CYBRD1: variants seen among roughly 807,000 people sequenced by gnomAD.
The protein encoded by CYBRD1 is cytochrome b reductase 1.
CYBRD1 carries 14 observed loss-of-function variants against 21.9 expected under a neutral mutation model. The observed-to-expected ratio is 0.64, with a 90% confidence interval of 0.42 to 1.00. The LOEUF is 1.00. Ranked by LOEUF, CYBRD1 falls within the 50% of genes least tolerant of loss-of-function variation. CYBRD1 has a pLI of 0.00. For missense variants in CYBRD1, 328 were observed against 352.5 expected, an observed-to-expected ratio of 0.93 and a Z score of 0.56; for synonymous variants, 146 against 136.5, an observed-to-expected ratio of 1.07 and a Z score of -0.48.
rs1021544809 is a variant in CYBRD1, at chr2:171,543,831, G to T, written c.402+2038G>T. On this transcript the variant is annotated intron_variant, in intron 2 of 3. Transcript: ENST00000321348. ...TTCATTTTTACTTTTGTATTCCACTGTATAAATATGCCACAAATTTACTTA... is the reference window on the plus strand; with the variant it reads ...TTCATTTTTACTTTTGTATTCCACTTTATAAATATGCCACAAATTTACTTA... 1.3e-4 allele frequency among the ~76,000 whole-genome samples: 19 copies of T among 151,880 alleles called. No homozygotes were observed. In the East Asian group the frequency reaches 1.9e-3, roughly 15 times the overall value.
chr2:171,522,413 A>G (rs1444365764), upstream of CYBRD1: 1 of 1,506,520 alleles, frequency 6.6e-7, no homozygotes, highest in African/African-American at 1.4e-5. The surrounding 1 kb of genome is among the most constrained non-coding windows in gnomAD (Gnocchi z 4.3). Context: ...AGCAGCCCAG[A>G]AAGTCCCTCC....
chr2:171,541,272 G>C (rs1041080543), intron 1 of CYBRD1: 4 of 420,568 alleles, frequency 9.5e-6, no homozygotes, highest in Non-Finnish European at 1.8e-5. Context: ...CATGGAGACA[G>C]CATTTCAGTG....
chr2:171,544,550 T>G (rs1032673704), intron 2 of CYBRD1, among the ~76,000 whole-genome samples: 1 of 152,204 alleles, frequency 6.6e-6, no homozygotes, highest in African/African-American at 2.4e-5. Context: ...CCCAACAATA[T>G]GAAAAATAGT....
At chr2:171,548,317 T>C (rs1327744497) in intron 2 of CYBRD1, among the ~76,000 whole-genome samples, 1 of 152,216 alleles carries the variant, frequency 6.6e-6, no homozygotes, top group African/African-American at 2.4e-5. Flanking sequence ...CAACAATCTG[T>C]GCTTTAACAA....
In CYBRD1 at chr2:171,557,623, C is replaced by T. The variant is rs1420364637; in HGVS notation, c.*2796C>T. 1 of 152,142 alleles carries T rather than the reference C, an allele frequency of 6.6e-6. No individual in the cohort carries two copies. The highest frequency in any genetic ancestry group is 1.5e-5 in the Non-Finnish European group (1 of 68,022). The allele number at this position is 152,142 out of a possible 1,614,324, so 9.4% of individuals were successfully genotyped here. A position where few individuals can be genotyped will look rare whatever the true frequency, so the allele number is the denominator to read the frequency against. ...TCATGTAAGCTGTGCTGTTTAGAAA[C>T]AACATCTCAGACTTTACAAAGAAAT... is the stretch of plus-strand genomic sequence containing the variant. On this transcript the variant is annotated 3_prime_UTR_variant, in exon 4 of 4. Coordinates refer to ENST00000321348, the MANE Select transcript of CYBRD1 (RefSeq NM_024843.4).
At chr2:171,530,198 T>G (rs1192885230) in intron 1 of CYBRD1, among the ~76,000 whole-genome samples, 1 of 152,206 alleles carries the variant, frequency 6.6e-6, no homozygotes, top group Admixed American at 6.5e-5. Flanking sequence ...TTATAACACC[T>G]TGATTTTTAA....
At chr2:171,545,426 T>C (rs1370415655) in intron 2 of CYBRD1, among the ~76,000 whole-genome samples, 1 of 149,172 alleles carries the variant, frequency 6.7e-6, no homozygotes, top group Non-Finnish European at 1.5e-5. Context: ...TCACCCAGGC[T>C]GGAGTGCAGT....
At chr2:171,527,048 A>G (rs1697396004) in intron 1 of CYBRD1, among the ~76,000 whole-genome samples, 1 of 152,222 alleles carries the variant, frequency 6.6e-6, no homozygotes, top group East Asian at 1.9e-4. Flanking sequence ...AGATTACTTA[A>G]ATAGACTTGA....
intron 1 of CYBRD1, among the ~76,000 whole-genome samples, chr2:171,524,158 G>T (rs1468472045): frequency 6.6e-6 from 1 of 152,084 alleles, no homozygotes; most frequent in Admixed American, 6.5e-5. Context: ...CTAACCCTCA[G>T]CATTCAAAGG....
In CYBRD1 at chr2:171,522,865, G is replaced by A. The variant is rs1357452791; in HGVS notation, c.193+127G>A. ...ATCGCGGGGCCCGGAGGAGTGCGGT[G>A]AGGAGCGCGCGGGAAGCCAAGTCGG... On this transcript the variant is annotated intron_variant, in intron 1 of 3. Transcript: ENST00000321348. The surrounding 1 kb of genome is among the most constrained non-coding windows in gnomAD (Gnocchi z 4.3). 2.5e-5 allele frequency: 37 copies of A among 1,464,710 alleles called. No individual in the cohort carries two copies. The highest frequency in any genetic ancestry group is 4.4e-5 in the Admixed American group (2 of 45,788). 90.7% of individuals were successfully genotyped at this position (1,464,710 alleles called of 1,614,324 possible).
At chr2:171,542,684 G>C (rs1200610798) in intron 2 of CYBRD1, among the ~76,000 whole-genome samples, 2 of 152,206 alleles carry the variant, frequency 1.3e-5, no homozygotes, top group East Asian at 1.9e-4. Flanking sequence ...TTTGAGATCA[G>C]CTTGGGCAAC....
At chr2:171,548,307 C>A in intron 2 of CYBRD1, among the ~76,000 whole-genome samples, 1 of 151,898 alleles carries the variant, frequency 6.6e-6, no homozygotes, top group East Asian at 1.9e-4. Context: ...GGCTGGGGCC[C>A]AACAATCTGT....
At chr2:171,525,154 C>T (rs955482245) in intron 1 of CYBRD1, among the ~76,000 whole-genome samples, 1 of 152,050 alleles carries the variant, frequency 6.6e-6, no homozygotes, top group African/African-American at 2.4e-5. Flanking sequence ...GCCAGGCTGG[C>T]CTCGAATTCC....
At chr2:171,542,862 C>T (rs921003384) in intron 2 of CYBRD1, among the ~76,000 whole-genome samples, 2 of 152,104 alleles carry the variant, frequency 1.3e-5, no homozygotes, top group African/African-American at 2.4e-5. Context: ...GCCTGGGCAA[C>T]AGAGCCAGAC....
intron 2 of CYBRD1, among the ~76,000 whole-genome samples, chr2:171,546,177 C>T (rs919580370): frequency 3.9e-5 from 6 of 152,146 alleles, no homozygotes; most frequent in African/African-American, 9.7e-5. Flanking sequence ...TTTAAGAAAA[C>T]AGGATTTGCA....
chr2:171,552,517 A>G (rs1683396488), intron 2 of CYBRD1, among the ~76,000 whole-genome samples: 1 of 152,114 alleles, frequency 6.6e-6, no homozygotes, highest in Admixed American at 6.6e-5. Flanking sequence ...CTCTTTTCAT[A>G]ATTGTTTTGC....
Position 171,554,945 on chromosome 2 carries a change from A to G in CYBRD1, c.*118A>G. 9.0e-7 allele frequency: 1 copy of G among 1,111,676 alleles called. No individual in the cohort carries two copies. Among genetic ancestry groups the G allele is most frequent in the Non-Finnish European group, 1.3e-6 (1 of 756,040 alleles). The allele number at this position is 1,111,676 out of a possible 1,614,324, so 68.9% of individuals were successfully genotyped here. Reference sequence around the variant, plus strand: ...TAGTATCAATATTTACTTTAATCACAAAGGATGGTTTCTTGAAATAATTTG... The same window carrying G: ...TAGTATCAATATTTACTTTAATCACGAAGGATGGTTTCTTGAAATAATTTG... On this transcript the variant is annotated 3_prime_UTR_variant, in exon 4 of 4. Coordinates refer to ENST00000321348, the MANE Select transcript of CYBRD1 (RefSeq NM_024843.4).
chr2:171,527,083 C>T (rs1697396275), intron 1 of CYBRD1, among the ~76,000 whole-genome samples: 1 of 152,038 alleles, frequency 6.6e-6, no homozygotes, highest in Non-Finnish European at 1.5e-5. Context: ...TAAAATCCAG[C>T]AAGTAAGATA....
rs76244272 is a variant in CYBRD1, at chr2:171,543,394, C to T, written c.402+1601C>T. On this transcript the variant is annotated intron_variant, in intron 2 of 3. Coordinates refer to ENST00000321348, the MANE Select transcript of CYBRD1 (RefSeq NM_024843.4). ...CTTGGAGTCCTCTCTTCCTTGTACC[C>T]GGCTCCCTTCATCTCCCTACCAGCA... Among the ~76,000 whole-genome samples the T allele has an allele frequency of 4.8e-3, 738 of 152,244 alleles. 13 individuals carry two copies. Among genetic ancestry groups the T allele is most frequent in the African/African-American group, 0.015 (642 of 41,524 alleles).
Sources: allele counts gnomAD v4.1 joint callset (sites outside exome capture counted in the v4.1 genomes callset), GRCh38; gene constraint gnomAD v4.1.1; non-coding constraint Gnocchi (gnomAD v3.1); transcripts MANE v1.5; gene names NCBI Gene and HGNC (gene_info 2026-07-23, HGNC 2026-07-21).